Variants in NABP2 observed in about 807,000 individuals in gnomAD.
The protein encoded by NABP2 is nucleic acid binding protein 2, also known as SOSS complex subunit B1.
NABP2 carries 7 observed loss-of-function variants against 22.7 expected under a neutral mutation model. The ratio of observed to expected loss-of-function variants is 0.31; its 90% CI spans 0.18 to 0.58. The LOEUF is 0.58. Ranked by LOEUF, NABP2 falls within the 20% of genes least tolerant of loss-of-function variation. The pLI is 0.89. For missense variants in NABP2, 188 were observed against 265.9 expected, an observed-to-expected ratio of 0.71 and a Z score of 2.04; for synonymous variants, 107 against 99.2, an observed-to-expected ratio of 1.08 and a Z score of -0.47.
intron 6 of NABP2, among the ~76,000 whole-genome samples, chr12:56,227,573 C>T (rs1316385463): frequency 2.0e-5 from 3 of 152,142 alleles, no homozygotes; most frequent in Non-Finnish European, 4.4e-5. Flanking sequence ...GATTATAATA[C>T]GCCATGGTTA....
intron 6 of NABP2, among the ~76,000 whole-genome samples, chr12:56,227,892 G>A (rs1377552894): frequency 2.6e-5 from 4 of 152,106 alleles, no homozygotes; most frequent in African/African-American, 4.8e-5. Context: ...GTAAGATTAC[G>A]TGTAATAATC....
Position 56,225,472 on chromosome 12 carries a change from A to G in NABP2, c.179A>G (p.Asn60Ser), listed in dbSNP as rs778638695. 1.2e-6 allele frequency: 2 copies of G among 1,614,222 alleles called. No individual in the cohort carries two copies. Among genetic ancestry groups the G allele is most frequent in the East Asian group, 2.2e-5 (1 of 44,884 alleles). The change falls in exon 3 of 7, where the codon AAT becomes AGT. Residue 60 changes from asparagine to serine, a missense_variant. Asn to Ser is a conservative substitution (Grantham distance 46). Coordinates refer to ENST00000267023, the MANE Select transcript of NABP2 (RefSeq NM_024068.4). ...ATCTCTGTCTGGGACGATGTTGGCAATCTGATCCAGCCTGGGGACATTATC... is the reference window on the plus strand; with the variant it reads ...ATCTCTGTCTGGGACGATGTTGGCAGTCTGATCCAGCCTGGGGACATTATC... ...INISVWDDVG[N>S]LIQPGDIIRL...
rs767890872 is a variant in NABP2, at chr12:56,229,102, C to A, written c.525C>A (p.Pro175=). The stretch of plus-strand genomic sequence containing the variant: ...CCCCTCATACTCCCTCCCACCCACC[C>A]AGCACCCGAATCACTCGAAGCCAGC... ...PHPPHTPSHP[P]STRITRSQPN... is the part of the protein sequence containing the mutation. Residue 175 remains proline, a synonymous_variant, in exon 7 of 7, where the codon CCC becomes CCA. Coordinates refer to ENST00000267023, the MANE Select transcript of NABP2 (RefSeq NM_024068.4). 1.3e-6 allele frequency: 2 copies of A among 1,599,298 alleles called. No individual in the cohort carries two copies. The highest frequency in any genetic ancestry group is 2.2e-5 in the South Asian group (2 of 90,296).
At position 56,229,087 on chromosome 12, in the gene NABP2, T is replaced by TTGGGCCCCCCC; in HGVS notation, c.510_511insTGGGCCCCCCC (p.Pro171TrpfsTer66). ...GTGGTGGCCCACATCCCCCTCATACTCCCTCCCACCCACCCAGCACCCGAA... is the reference window on the plus strand; with the variant it reads ...GTGGTGGCCCACATCCCCCTCATACTTGGGCCCCCCCCCCTCCCACCCACCCAGCACCCGAA... On this transcript the variant is annotated frameshift_variant, in exon 7 of 7. Transcript: ENST00000267023. LOFTEE classifies it high-confidence loss of function. The TTGGGCCCCCCC allele has an allele frequency of 4.0e-6, 6 of 1,512,342 alleles. No individual in the cohort carries two copies. Among genetic ancestry groups the TTGGGCCCCCCC allele is most frequent in the South Asian group, 1.2e-5 (1 of 84,152 alleles). 93.7% of individuals were successfully genotyped at this position (1,512,342 alleles called of 1,614,324 possible).
chr12:56,224,871 C>T lies in NABP2; in HGVS notation c.15C>T (p.Thr5=). 2.5e-6 allele frequency: 4 copies of T among 1,613,288 alleles called. No individual in the cohort carries two copies. The highest frequency in any genetic ancestry group is 1.3e-5 in the African/African-American group (1 of 74,848). The stretch of plus-strand genomic sequence containing the variant: ...GCTCAGGCAGCATGACGACGGAGAC[C>T]TTTGTGAAGGATATCAAGCCTGGGC... MTTE[T]FVKDIKPGLK... Residue 5 remains threonine, a synonymous_variant, in exon 2 of 7, where the codon ACC becomes ACT. Coordinates refer to ENST00000267023, the MANE Select transcript of NABP2 (RefSeq NM_024068.4).
At position 56,226,163 on chromosome 12, in the gene NABP2, C is replaced by CT; in HGVS notation, c.291-13dup. 1 of 1,613,642 alleles carries CT rather than the reference C, an allele frequency of 6.2e-7. No homozygotes were observed. The highest frequency in any genetic ancestry group is 8.5e-7 in the Non-Finnish European group (1 of 1,179,620). On this transcript the variant is annotated splice_polypyrimidine_tract_variant and intron_variant, in intron 4 of 6. Coordinates refer to ENST00000267023, the MANE Select transcript of NABP2 (RefSeq NM_024068.4). The stretch of plus-strand genomic sequence containing the variant: ...GAGGATGAATTCAAGGCTTTAGCTA[C>CT]TTTCTTCCCTTGCAGATTCTGTATG...
At chr12:56,223,382 C>A (rs1869595564), upstream of NABP2, among the ~76,000 whole-genome samples, 1 of 151,758 alleles carries the variant, frequency 6.6e-6, no homozygotes, top group Admixed American at 6.6e-5. Flanking sequence ...GGAAACATGG[C>A]GAAACTGTCT....
chr12:56,228,980 C>T (rs1273783991), intron 6 of NABP2, 34 bp from the exon 7 acceptor site: 2 of 1,584,996 alleles, frequency 1.3e-6, no homozygotes, highest in East Asian at 2.3e-5. Flanking sequence ...CCTATGTTAA[C>T]TAATTCCTTT....
upstream of NABP2, among the ~76,000 whole-genome samples, chr12:56,222,490 C>T (rs921870765): frequency 3.3e-5 from 5 of 152,138 alleles, no homozygotes; most frequent in East Asian, 9.6e-4. Context: ...GATGGCTCCC[C>T]GAACACTTGT....
At chr12:56,225,551 A>C (rs776151643) in intron 3 of NABP2, 40 bp downstream of exon 3, 1 of 1,614,170 alleles carries the variant, frequency 6.2e-7, no homozygotes, top group Non-Finnish European at 8.5e-7. Context: ...AAAGGCAACA[A>C]CAATCAAGAG....
At chr12:56,225,014 T>C in intron 2 of NABP2, 79 bp downstream of exon 2, 3 of 1,115,586 alleles carry the variant, frequency 2.7e-6, no homozygotes, top group Non-Finnish European at 4.0e-6. Flanking sequence ...GTTCTTAACT[T>C]GCTATGGGGA....
intron 6 of NABP2, 32 bp from the exon 7 acceptor site, chr12:56,228,982 A>G (rs2135838745): frequency 6.3e-7 from 1 of 1,588,114 alleles, no homozygotes; most frequent in Non-Finnish European, 8.6e-7. Flanking sequence ...TATGTTAACT[A>G]ATTCCTTTGT....
intron 1 of NABP2, 108 bp downstream of exon 1, chr12:56,224,549 C>T: frequency 2.5e-6 from 3 of 1,202,104 alleles, no homozygotes; most frequent in Non-Finnish European, 1.0e-6. Flanking sequence ...GGCTGTGCAC[C>T]GGGTTCCCTA....
Position 56,224,862 on chromosome 12 carries a change from G to C in NABP2, c.6G>C (p.Thr2=). Residue 2 remains threonine (T), a synonymous_variant, in exon 2 of 7, where the codon ACG becomes ACC. Coordinates refer to ENST00000267023, the MANE Select transcript of NABP2 (RefSeq NM_024068.4). The part of the protein sequence containing the change: M[T]TETFVKDIKP... ...GGTGCCGAGGCTCAGGCAGCATGAC[G>C]ACGGAGACCTTTGTGAAGGATATCA... The C allele has an allele frequency of 1.2e-6, 2 of 1,613,692 alleles. No homozygotes were observed. Among genetic ancestry groups the C allele is most frequent in the Non-Finnish European group, 1.7e-6 (2 of 1,179,946 alleles).
intron 6 of NABP2, among the ~76,000 whole-genome samples, chr12:56,227,354 C>T (rs545771601): frequency 2.0e-4 from 29 of 146,542 alleles, no homozygotes; most frequent in African/African-American, 6.2e-4. Context: ...CCAGCTTGCG[C>T]GACAGTGAGA....
At position 56,225,363 on chromosome 12, in the gene NABP2, T is replaced by A. The variant is rs897001283; in HGVS notation, c.80-10T>A. On this transcript the variant is annotated splice_polypyrimidine_tract_variant and intron_variant, in intron 2 of 6. Transcript: ENST00000267023. The stretch of plus-strand genomic sequence containing the variant: ...CCATCCTCCCACCTCGATTTATCTG[T>A]TCCGTTCAGGCCGAGTGACCAAGAC... 3.1e-6 allele frequency: 5 copies of A among 1,614,082 alleles called. No individual in the cohort carries two copies. Among genetic ancestry groups the A allele is most frequent in the Non-Finnish European group, 4.2e-6 (5 of 1,180,032 alleles).
intron 6 of NABP2, among the ~76,000 whole-genome samples, chr12:56,228,155 G>C (rs939912873): frequency 3.3e-5 from 5 of 151,666 alleles, no homozygotes; most frequent in Non-Finnish European, 7.4e-5. Flanking sequence ...TCGCTCCATT[G>C]CACTCCAGCC....
Position 56,229,087 on chromosome 12 carries a change from T to TTGCCCAACCC in NABP2, c.510_511insTGCCCAACCC (p.Pro171CysfsTer33). ...GTGGTGGCCCACATCCCCCTCATAC[T>TTGCCCAACCC]CCCTCCCACCCACCCAGCACCCGAA... On this transcript the variant is annotated frameshift_variant, in exon 7 of 7. Coordinates refer to ENST00000267023, the MANE Select transcript of NABP2 (RefSeq NM_024068.4). LOFTEE classifies it high-confidence loss of function. The TTGCCCAACCC allele has an allele frequency of 6.6e-7, 1 of 1,512,342 alleles. No homozygotes were observed. The highest frequency in any genetic ancestry group is 9.1e-7 in the Non-Finnish European group (1 of 1,102,010). 93.7% of individuals were successfully genotyped at this position (1,512,342 alleles called of 1,614,324 possible).
chr12:56,226,474 C>T (rs1869770545), intron 6 of NABP2, 55 bp downstream of exon 6: 24 of 1,495,382 alleles, frequency 1.6e-5, no homozygotes, highest in Middle Eastern at 4.7e-4. Flanking sequence ...CTCTCCTCAG[C>T]CTAGAAAGAT....
Sources: gnomAD v4.1 joint callset for allele counts (sites outside exome capture counted in the v4.1 genomes callset) on GRCh38, gnomAD v4.1.1 for gene constraint, MANE v1.5 for transcripts, NCBI Gene and HGNC (gene_info 2026-07-23, HGNC 2026-07-21) for gene names.